TAFA5: variants seen among roughly 807,000 people sequenced by gnomAD.
TAFA5 encodes TAFA chemokine like family member 5.
TAFA5 carries 6 observed loss-of-function variants against 15.3 expected under a neutral mutation model. The ratio of observed to expected loss-of-function variants is 0.39; its 90% CI spans 0.21 to 0.77. The LOEUF is 0.77. Among genes scored for constraint, TAFA5 ranks in the 30% least tolerant of loss-of-function variants. TAFA5 has a pLI of 0.41. For synonymous variants in TAFA5, 103 were observed against 80.7 expected (o/e 1.28, Z -1.48); for missense variants, 161 against 193.1 (o/e 0.83, Z 0.98).
At chr22:48,608,088 C>T (rs987733666) in intron 1 of TAFA5, among the ~76,000 whole-genome samples, 12 of 151,604 alleles carry the variant, frequency 7.9e-5, no homozygotes, top group East Asian at 3.9e-4. Context: ...GCCCCTCCCA[C>T]GGCCCCAGGC....
At chr22:48,606,211 C>T (rs183030042) in intron 1 of TAFA5, among the ~76,000 whole-genome samples, 115 of 152,316 alleles carry the variant, frequency 7.6e-4, no homozygotes, top group African/African-American at 2.7e-3. Context: ...AAAATCCCAC[C>T]TCCAGGAATT....
intron 1 of TAFA5, among the ~76,000 whole-genome samples, chr22:48,587,750 G>A (rs547969547): frequency 5.3e-5 from 8 of 152,344 alleles, no homozygotes; most frequent in South Asian, 2.1e-4. Context: ...AGCCACCCGC[G>A]TGAGCATGCT....
chr22:48,746,716 C>T (rs1431176589), intron 3 of TAFA5, among the ~76,000 whole-genome samples: 1 of 152,174 alleles, frequency 6.6e-6, no homozygotes. Flanking sequence ...GCTTGGCCTC[C>T]TACCAGGTGG....
intron 1 of TAFA5, among the ~76,000 whole-genome samples, chr22:48,610,368 G>A (rs1925354442): frequency 6.6e-6 from 1 of 152,268 alleles, no homozygotes; most frequent in Admixed American, 6.5e-5. Flanking sequence ...AGATTCACCT[G>A]CTGTGAAGTC....
intron 2 of TAFA5, among the ~76,000 whole-genome samples, chr22:48,671,295 G>A (rs982053520): frequency 4.6e-5 from 7 of 152,226 alleles, no homozygotes; most frequent in Admixed American, 6.5e-5. Flanking sequence ...AGCACCGAAC[G>A]GAGCCAAGTT....
rs371847922 is a variant in TAFA5, at chr22:48,714,329, G to A, written c.390+6485G>A. Among the ~76,000 whole-genome samples the A allele has an allele frequency of 3.7e-4, 56 of 152,348 alleles. 1 individual carries two copies. The East Asian group carries it at 5.6e-3, about 15-fold the overall frequency. ...TCTGGAAGGATGGGAGCGGGTGGAC[G>A]GAGCTGACAAGCAGAGCTGAGCCCC... is the stretch of plus-strand genomic sequence containing the variant. On this transcript the variant is annotated intron_variant, in intron 3 of 3. Transcript: ENST00000402357.
chr22:48,508,324 A>G (rs917995101), intron 1 of TAFA5, among the ~76,000 whole-genome samples: 10 of 152,200 alleles, frequency 6.6e-5, no homozygotes, highest in Non-Finnish European at 1.2e-4. Context: ...AGTCCCCTCC[A>G]GGGCTGCCGC....
At chr22:48,506,449 G>C (rs1402391963) in intron 1 of TAFA5, among the ~76,000 whole-genome samples, 1 of 152,244 alleles carries the variant, frequency 6.6e-6, no homozygotes, top group East Asian at 1.9e-4. Context: ...TGCTAGACTA[G>C]TGTGACAAAA....
intron 2 of TAFA5, among the ~76,000 whole-genome samples, chr22:48,700,105 G>A (rs1601682478): frequency 6.6e-6 from 1 of 152,322 alleles, no homozygotes; most frequent in Middle Eastern, 3.4e-3. Context: ...TTGGAAATAA[G>A]TGTCCCTCCA....
chr22:48,728,808 G>A (rs130201), intron 3 of TAFA5, among the ~76,000 whole-genome samples: 105,753 of 152,168 alleles, frequency 0.69, 37,865 homozygotes, highest in African/African-American at 0.77. Context: ...AGAAAGGCAT[G>A]GAGTGTGTCA....
At chr22:48,637,220 G>T (rs1011445634) in intron 1 of TAFA5, among the ~76,000 whole-genome samples, 20 of 152,184 alleles carry the variant, frequency 1.3e-4, no homozygotes, top group African/African-American at 4.8e-4. Context: ...GTGCGTGCCT[G>T]TGTGTAAGGA....
chr22:48,577,599 A>G (rs1601590381), intron 1 of TAFA5, among the ~76,000 whole-genome samples: 1 of 152,204 alleles, frequency 6.6e-6, no homozygotes, highest in South Asian at 2.1e-4. Context: ...GGGTTCCTGC[A>G]GAGGAAGGGC....
chr22:48,726,000 G>A (rs1001070076), intron 3 of TAFA5, among the ~76,000 whole-genome samples: 2 of 152,174 alleles, frequency 1.3e-5, no homozygotes, highest in African/African-American at 4.8e-5. Flanking sequence ...AAGAACAAAG[G>A]AAACCCTTGT....
chr22:48,647,799 G>A (rs1479051692), intron 2 of TAFA5, among the ~76,000 whole-genome samples: 2 of 152,148 alleles, frequency 1.3e-5, no homozygotes, highest in Non-Finnish European at 2.9e-5. Flanking sequence ...TTGGTTCTAG[G>A]CGCAGCAGCT....
At position 48,489,697 on chromosome 22, in the gene TAFA5, C is replaced by T. The variant is rs1350405389; in HGVS notation, c.105C>T (p.Ala35=). The change falls in exon 1 of 4, where the codon GCC becomes GCT. Residue 35 remains alanine, a synonymous_variant. Coordinates refer to ENST00000402357, the MANE Select transcript of TAFA5 (RefSeq NM_001082967.3). The surrounding 1 kb of genome is among the most constrained non-coding windows in gnomAD (Gnocchi z 5.5). ...AFMILASLLI[A]YCSQLAAGTC... is the part of the protein sequence containing the mutation. ...TGATCCTGGCCAGCCTGCTCATCGC[C>T]TACTGCAGTGAGTACCGCGCGGCCC... 6.7e-7 allele frequency: 1 copy of T among 1,502,238 alleles called. No homozygotes were observed. Among genetic ancestry groups the T allele is most frequent in the Non-Finnish European group, 8.9e-7 (1 of 1,122,542 alleles). 93.1% of individuals were successfully genotyped at this position (1,502,238 alleles called of 1,614,324 possible). A position where few individuals can be genotyped will look rare whatever the true frequency, so the allele number is the denominator to read the frequency against.
At chr22:48,728,903 A>G (rs1156926610) in intron 3 of TAFA5, among the ~76,000 whole-genome samples, 1 of 152,210 alleles carries the variant, frequency 6.6e-6, no homozygotes, top group African/African-American at 2.4e-5. Flanking sequence ...TGAAAGGAGG[A>G]AGCAGATTAC....
intron 2 of TAFA5, among the ~76,000 whole-genome samples, chr22:48,654,324 C>T (rs1927161934): frequency 6.6e-6 from 1 of 152,180 alleles, no homozygotes; most frequent in Admixed American, 6.5e-5. Context: ...TCCTGGCCCC[C>T]TCGAACTCTT....
At chr22:48,749,483 A>T (rs1416379909) in intron 3 of TAFA5, among the ~76,000 whole-genome samples, 1 of 152,092 alleles carries the variant, frequency 6.6e-6, no homozygotes, top group African/African-American at 2.4e-5. Context: ...TTTGAATTGG[A>T]TACAGGGAAT....
At chr22:48,664,953 C>T (rs913078828) in intron 2 of TAFA5, among the ~76,000 whole-genome samples, 8 of 152,204 alleles carry the variant, frequency 5.3e-5, no homozygotes, top group African/African-American at 1.9e-4. Flanking sequence ...CTCCAGCATT[C>T]GCCTTGGAGT....
Sources: allele counts gnomAD v4.1 joint callset (sites outside exome capture counted in the v4.1 genomes callset), GRCh38; gene constraint gnomAD v4.1.1; non-coding constraint Gnocchi (gnomAD v3.1); transcripts MANE v1.5; gene names NCBI Gene and HGNC (gene_info 2026-07-23, HGNC 2026-07-21).